PIWIL2: variants seen among roughly 807,000 people sequenced by gnomAD.
PIWIL2 encodes piwi-like protein 2.
A neutral mutation model predicts 116.5 loss-of-function variants in PIWIL2; 81 were observed. That is an observed-to-expected ratio of 0.70 (90% CI 0.58 to 0.84). The LOEUF is 0.84. PIWIL2 is among the 40% of genes least tolerant of loss of function. The pLI, the probability that PIWIL2 is intolerant of heterozygous loss-of-function variation, is 0.00. For missense variants in PIWIL2, 1,272 were observed against 1,212.3 expected (o/e 1.05, Z -0.73); for synonymous variants, 489 against 429.5 (o/e 1.14, Z -1.71).
chr8:22,315,149 A>C lies in PIWIL2; in HGVS notation c.2208+4A>C, dbSNP rs1349849477. ...CTGGGGAGTGGATATTCCTCTGGTG[A>C]GTGATGCCGAGATGGTTCAGTTTGC... On this transcript the variant is annotated splice_donor_region_variant and intron_variant, in intron 18 of 22. Transcript: ENST00000356766. The C allele has an allele frequency of 6.9e-7, 1 of 1,443,698 alleles. No individual in the cohort carries two copies. Among genetic ancestry groups the C allele is most frequent in the African/African-American group, 1.4e-5 (1 of 71,652 alleles). The allele number at this position is 1,443,698 out of a possible 1,614,324, so 89.4% of individuals were successfully genotyped here.
Position 22,353,102 on chromosome 8 carries a change from G to A in PIWIL2, c.2547G>A (p.Val849=). 1 of 1,614,176 alleles carries A rather than the reference G, an allele frequency of 6.2e-7. No homozygotes were observed. Residue 849 remains valine (V), a synonymous_variant, in exon 21 of 23, where the codon GTG becomes GTA. Transcript: ENST00000356766. ...AGAATTATCAGCCCAAGATGGTGGT[G>A]TTTGTAGTTCAGAAGAAAATCAGTA... The part of the protein sequence containing the change: ...AFENYQPKMV[V]FVVQKKISTN...
intron 10 of PIWIL2, 85 bp downstream of exon 10, chr8:22,290,431 A>G: frequency 1.4e-6 from 1 of 730,702 alleles, no homozygotes. Flanking sequence ...CACATTAGAC[A>G]TTGTTCTGTT....
Position 22,279,520 on chromosome 8 carries a change from C to T in PIWIL2, c.134C>T (p.Ala45Val), listed in dbSNP as rs760118383. ...CCAGCTCTGGGCAGGGGAGCACCTGCAGGCAGAGGCCATGTATTTGGAAAG... is the reference window on the plus strand; with the variant it reads ...CCAGCTCTGGGCAGGGGAGCACCTGTAGGCAGAGGCCATGTATTTGGAAAG... ...LDPALGRGAPAGRGHVFGKPE... is the reference protein window; with the variant it reads ...LDPALGRGAPVGRGHVFGKPE... The change falls in exon 2 of 23, where the codon GCA becomes GTA. Residue 45 changes from alanine (A) to valine (V), a missense_variant. Ala to Val is a moderately conservative substitution (Grantham distance 64, BLOSUM62 0). Transcript: ENST00000356766. 13 of 1,614,052 alleles carry T rather than the reference C, an allele frequency of 8.1e-6. No homozygotes were observed. The Admixed American group carries it at 1.2e-4, about 14-fold the overall frequency.
At position 22,275,323 on chromosome 8, in the gene PIWIL2, C is replaced by CTGGAG. The variant is rs1563335043; in HGVS notation, c.-122_-121insTGGAG. 2 of 150,646 alleles carry CTGGAG rather than the reference C, an allele frequency of 1.3e-5. No individual in the cohort carries two copies. The highest frequency in any genetic ancestry group is 3.0e-5 in the Non-Finnish European group (2 of 67,700). 9.3% of individuals were successfully genotyped at this position (150,646 alleles called of 1,614,324 possible). On this transcript the variant is annotated 5_prime_UTR_variant, in exon 1 of 23. Coordinates refer to ENST00000356766, the MANE Select transcript of PIWIL2 (RefSeq NM_018068.5). Reference sequence around the variant, plus strand: ...AAATTGGCCCTGGAGCATGTGGGCCCCGGGGCGTGGGTTGAGCTCGGTCTT... The same window carrying CTGGAG: ...AAATTGGCCCTGGAGCATGTGGGCCCTGGAGCGGGGCGTGGGTTGAGCTCGGTCTT...
intron 20 of PIWIL2, among the ~76,000 whole-genome samples, chr8:22,352,032 C>T (rs922975134): frequency 6.6e-6 from 1 of 152,206 alleles, no homozygotes; most frequent in African/African-American, 2.4e-5. Context: ...GCAACCTCCA[C>T]CCCATGAGTT....
chr8:22,351,379 A>G (rs1014042260), intron 20 of PIWIL2, among the ~76,000 whole-genome samples: 8 of 139,372 alleles, frequency 5.7e-5, no homozygotes, highest in Non-Finnish European at 1.2e-4. Flanking sequence ...TTATTTTTTT[A>G]AAGTATTCTT....
chr8:22,307,910 A>T, intron 13 of PIWIL2, 23 bp from the exon 14 acceptor site: 1 of 1,561,914 alleles, frequency 6.4e-7, no homozygotes, highest in Non-Finnish European at 8.7e-7. Flanking sequence ...TTTATAAGTT[A>T]TCTTTATTTT....
intron 20 of PIWIL2, among the ~76,000 whole-genome samples, chr8:22,326,859 G>A (rs1831736906): frequency 6.6e-6 from 1 of 151,974 alleles, no homozygotes; most frequent in South Asian, 2.1e-4. Context: ...TATATACCTA[G>A]GAGTGAAATT....
chr8:22,355,022 A>C (rs1832457393), intron 22 of PIWIL2, among the ~76,000 whole-genome samples: 1 of 151,298 alleles, frequency 6.6e-6, no homozygotes, highest in South Asian at 2.1e-4. Flanking sequence ...GTGAGCAGAG[A>C]TTGTGCCATT....
rs1488768311 is a variant in PIWIL2 at position 22,284,381 on chromosome 8, A to G, written c.743+109A>G. 1.2e-5 allele frequency: 7 copies of G among 564,268 alleles called. No homozygotes were observed. The South Asian group carries it at 1.7e-4, about 14-fold the overall frequency. The allele number at this position is 564,268 out of a possible 1,614,324, so 35.0% of individuals were successfully genotyped here. A position where few individuals can be genotyped will look rare whatever the true frequency, so the allele number is the denominator to read the frequency against. On this transcript the variant is annotated intron_variant, in intron 6 of 22. Coordinates refer to ENST00000356766, the MANE Select transcript of PIWIL2 (RefSeq NM_018068.5). Reference sequence around the variant, plus strand: ...TGGACAGTTCCTGGTGGACGTCTCAATGCAATAATGTGTTTACTCAGATCC... The same window carrying G: ...TGGACAGTTCCTGGTGGACGTCTCAGTGCAATAATGTGTTTACTCAGATCC...
intron 20 of PIWIL2, among the ~76,000 whole-genome samples, chr8:22,338,042 CA>C (rs1832020684): frequency 6.6e-6 from 1 of 151,230 alleles, no homozygotes; most frequent in South Asian, 2.1e-4. Context: ...TGCAGTGAGC[CA>C]AGATCATGCC....
At chr8:22,286,572 C>T (rs1563351180) in intron 6 of PIWIL2, among the ~76,000 whole-genome samples, 1 of 152,086 alleles carries the variant, frequency 6.6e-6, no homozygotes, top group Non-Finnish European at 1.5e-5. Flanking sequence ...GGGAGAGTTG[C>T]TTGAGGCTAG....
intron 20 of PIWIL2, among the ~76,000 whole-genome samples, chr8:22,350,223 G>A (rs1040889594): frequency 3.9e-5 from 6 of 152,148 alleles, no homozygotes; most frequent in Non-Finnish European, 5.9e-5. Context: ...ACTATATCTT[G>A]TTGGGGGCAG....
chr8:22,320,527 T>A (rs916788235), intron 20 of PIWIL2, among the ~76,000 whole-genome samples: 10 of 151,966 alleles, frequency 6.6e-5, no homozygotes, highest in Non-Finnish European at 1.3e-4. Context: ...TCCGCCCGCC[T>A]CAGCCTCTCA....
At chr8:22,311,340 T>G (rs1488003650) in intron 16 of PIWIL2, 40 bp downstream of exon 16, 16 of 1,439,372 alleles carry the variant, frequency 1.1e-5, no homozygotes, top group Non-Finnish European at 1.4e-5. Flanking sequence ...GATGTCCATT[T>G]TAAATTACTT....
At chr8:22,278,262 T>C (rs1013924054) in intron 1 of PIWIL2, among the ~76,000 whole-genome samples, 5 of 152,142 alleles carry the variant, frequency 3.3e-5, no homozygotes, top group Admixed American at 3.3e-4. Flanking sequence ...GGCTCACACC[T>C]ATTATCCCAG....
chr8:22,335,948 C>T (rs1316085194), intron 20 of PIWIL2, among the ~76,000 whole-genome samples: 3 of 152,090 alleles, frequency 2.0e-5, no homozygotes, highest in Admixed American at 2.0e-4. Context: ...ATGAGAAAGA[C>T]ATAACAATTA....
intron 2 of PIWIL2, among the ~76,000 whole-genome samples, chr8:22,279,919 T>C (rs1456183186): frequency 6.6e-6 from 1 of 152,168 alleles, no homozygotes; most frequent in Admixed American, 6.5e-5. Flanking sequence ...ATCTCGCCAG[T>C]GCACTCCAGC....
chr8:22,283,752 A>T (rs1038719443), intron 5 of PIWIL2, among the ~76,000 whole-genome samples: 1 of 152,234 alleles, frequency 6.6e-6, no homozygotes, highest in African/African-American at 2.4e-5. Flanking sequence ...GACAGTGGAC[A>T]TATAGCATGC....
Sources: allele counts gnomAD v4.1 joint callset (sites outside exome capture counted in the v4.1 genomes callset), GRCh38; gene constraint gnomAD v4.1.1; transcripts MANE v1.5; gene names NCBI Gene and HGNC (gene_info 2026-07-23, HGNC 2026-07-21).